Variants in RCAN2 observed in about 807,000 individuals in gnomAD.
The protein encoded by RCAN2 is regulator of calcineurin 2, also known as calcipressin-2.
In RCAN2, 9 loss-of-function variants were observed where a neutral mutation model predicts 23.6. The observed-to-expected ratio is 0.38, with a 90% CI of 0.23 to 0.67. The LOEUF is 0.67. Among genes scored for constraint, RCAN2 ranks in the 30% least tolerant of loss-of-function variants. RCAN2 has a pLI of 0.51. For synonymous variants in RCAN2, 109 were observed against 115.7 expected (o/e 0.94, Z 0.37); for missense variants, 273 against 302.3 (o/e 0.90, Z 0.72).
At chr6:46,232,234 C>A (rs1049623836) in intron 4 of RCAN2, among the ~76,000 whole-genome samples, 1 of 152,214 alleles carries the variant, frequency 6.6e-6, no homozygotes, top group Non-Finnish European at 1.5e-5. Flanking sequence ...TACGCATATG[C>A]GGTATAGTGC....
intron 2 of RCAN2, among the ~76,000 whole-genome samples, chr6:46,302,800 T>C (rs1238286879): frequency 6.6e-6 from 1 of 152,028 alleles, no homozygotes; most frequent in Non-Finnish European, 1.5e-5. Flanking sequence ...CTTTTATAGA[T>C]TTTATCTCAT....
intron 2 of RCAN2, among the ~76,000 whole-genome samples, chr6:46,423,498 C>G (rs76612070): frequency 0.02 from 2,979 of 152,322 alleles, 60 homozygotes; most frequent in South Asian, 0.12. Flanking sequence ...GAGCTCTTTC[C>G]TCTTCCTTGG....
At chr6:46,233,229 G>A (rs150981431) in intron 4 of RCAN2, among the ~76,000 whole-genome samples, 49 of 152,286 alleles carry the variant, frequency 3.2e-4, no homozygotes, top group East Asian at 1.7e-3. Flanking sequence ...TGAGTTAACC[G>A]CATCCAGGGT....
intron 2 of RCAN2, among the ~76,000 whole-genome samples, chr6:46,277,191 T>C (rs2150336572): frequency 6.6e-6 from 1 of 152,376 alleles, no homozygotes; most frequent in South Asian, 2.1e-4. Context: ...CGTGTTGGTT[T>C]TCTATTTGTA....
chr6:46,386,079 A>G (rs1221941351), intron 2 of RCAN2, among the ~76,000 whole-genome samples: 1 of 152,134 alleles, frequency 6.6e-6, no homozygotes, highest in Non-Finnish European at 1.5e-5. Context: ...TCAGTCGAGC[A>G]GGCAACCTAG....
At chr6:46,400,408 A>G (rs756225994) in intron 2 of RCAN2, among the ~76,000 whole-genome samples, 73 of 152,110 alleles carry the variant, frequency 4.8e-4, no homozygotes, top group Non-Finnish European at 1.3e-4. Flanking sequence ...CTGGAAATCA[A>G]TCTCTCTCAT....
chr6:46,480,484 G>A (rs1426408659), intron 1 of RCAN2, among the ~76,000 whole-genome samples: 1 of 152,180 alleles, frequency 6.6e-6, no homozygotes, highest in Non-Finnish European at 1.5e-5. Context: ...TAATACATCT[G>A]CCTATAAAAA....
chr6:46,489,934 A>T (rs1769095363), intron 1 of RCAN2, among the ~76,000 whole-genome samples: 1 of 152,214 alleles, frequency 6.6e-6, no homozygotes, highest in Admixed American at 6.5e-5. Flanking sequence ...AAGCAGCCAA[A>T]TGCTCACTCT....
intron 2 of RCAN2, among the ~76,000 whole-genome samples, chr6:46,387,996 C>G (rs1249572281): frequency 6.6e-6 from 1 of 151,738 alleles, no homozygotes; most frequent in Non-Finnish European, 1.5e-5. Flanking sequence ...AGCAAACTAT[C>G]ACAAGAACAA....
At chr6:46,371,445 C>G (rs1330419684) in intron 2 of RCAN2, among the ~76,000 whole-genome samples, 1 of 152,216 alleles carries the variant, frequency 6.6e-6, no homozygotes, top group Non-Finnish European at 1.5e-5. Context: ...TCTAGGCCAG[C>G]TCTATTCATA....
At chr6:46,346,851 T>TTTTA (rs917978208) in intron 2 of RCAN2, among the ~76,000 whole-genome samples, 6 of 151,626 alleles carry the variant, frequency 4.0e-5, no homozygotes, top group Admixed American at 2.0e-4. Context: ...GTTTTTAAAT[T>TTTTA]TTTATTTATT....
intron 2 of RCAN2, among the ~76,000 whole-genome samples, chr6:46,402,072 T>G (rs1766262397): frequency 6.6e-6 from 1 of 152,300 alleles, no homozygotes; most frequent in Admixed American, 6.5e-5. Context: ...ACAGTGCTTG[T>G]TATTTGGGAA....
intron 2 of RCAN2, among the ~76,000 whole-genome samples, chr6:46,403,148 G>GTAGAGAC (rs750468110): frequency 2.3e-4 from 35 of 152,126 alleles, no homozygotes; most frequent in Non-Finnish European, 4.3e-4. Context: ...TGTATTTTTA[G>GTAGAGAC]TAGAGACGGG....
At chr6:46,459,463 G>C (rs532420252) in intron 1 of RCAN2, among the ~76,000 whole-genome samples, 194 of 152,074 alleles carry the variant, frequency 1.3e-3, no homozygotes, top group Non-Finnish European at 2.1e-3. Flanking sequence ...TACTCAAATA[G>C]CCTTAATTTC....
chr6:46,259,850 G>A (rs1435633403), intron 2 of RCAN2, among the ~76,000 whole-genome samples: 1 of 152,158 alleles, frequency 6.6e-6, no homozygotes, highest in Non-Finnish European at 1.5e-5. Flanking sequence ...CTTTACTTAT[G>A]CTCATCCTTT....
chr6:46,230,120 C>A (rs1173517557), intron 4 of RCAN2, among the ~76,000 whole-genome samples: 1 of 152,154 alleles, frequency 6.6e-6, no homozygotes, highest in Non-Finnish European at 1.5e-5. Context: ...AATGTTGCTG[C>A]CTGATCCTTC....
chr6:46,332,817 T>C (rs1764023896), intron 2 of RCAN2, among the ~76,000 whole-genome samples: 1 of 152,214 alleles, frequency 6.6e-6, no homozygotes, highest in South Asian at 2.1e-4. Flanking sequence ...CCTTTGGGTA[T>C]ATACCCAGTA....
chr6:46,363,023 A>G (rs1180385946), intron 2 of RCAN2, among the ~76,000 whole-genome samples: 1 of 152,192 alleles, frequency 6.6e-6, no homozygotes, highest in Non-Finnish European at 1.5e-5. Flanking sequence ...AGTGGCATGC[A>G]CTAAGAATTA....
At chr6:46,355,265 G>T (rs899005233) in intron 2 of RCAN2, among the ~76,000 whole-genome samples, 9 of 152,294 alleles carry the variant, frequency 5.9e-5, no homozygotes, top group African/African-American at 2.2e-4. Flanking sequence ...TGAACATGAT[G>T]GAAACTATGG....
Sources: allele counts gnomAD v4.1 joint callset (sites outside exome capture counted in the v4.1 genomes callset), GRCh38; gene constraint gnomAD v4.1.1; transcripts MANE v1.5; gene names NCBI Gene and HGNC (gene_info 2026-07-23, HGNC 2026-07-21).